KRIT1: variants seen among roughly 807,000 people sequenced by gnomAD.
KRIT1 encodes the protein krev interaction trapped protein 1.
Under a neutral mutation model 95.8 loss-of-function variants are expected in KRIT1, and 45 were observed. The observed-to-expected ratio is 0.47, with a 90% CI of 0.37 to 0.60. KRIT1 has a LOEUF of 0.60. Among genes scored for constraint, KRIT1 ranks in the 20% least tolerant of loss-of-function variants. The pLI, the probability that KRIT1 is intolerant of heterozygous loss-of-function variation, is 0.00. For synonymous variants in KRIT1, 282 were observed against 278.8 expected, an observed-to-expected ratio of 1.01 and a Z score of -0.11; for missense variants, 788 against 877.5, an observed-to-expected ratio of 0.90 and a Z score of 1.29.
chr7:92,218,120 T>C (rs2131375379), intron 14 of KRIT1, among the ~76,000 whole-genome samples: 1 of 152,236 alleles, frequency 6.6e-6, no homozygotes, highest in South Asian at 2.1e-4. Flanking sequence ...TGGATGATCA[T>C]AACTAACTGT....
At chr7:92,208,670 G>C (rs1021430415) in intron 17 of KRIT1, among the ~76,000 whole-genome samples, 1 of 152,012 alleles carries the variant, frequency 6.6e-6, no homozygotes, top group South Asian at 2.1e-4. Flanking sequence ...GGAAGGAAAA[G>C]AAAACCTCAA....
At chr7:92,218,027 T>C (rs1228215708) in intron 14 of KRIT1, among the ~76,000 whole-genome samples, 2 of 152,206 alleles carry the variant, frequency 1.3e-5, no homozygotes, top group Non-Finnish European at 2.9e-5. Flanking sequence ...TTCATGTGTT[T>C]GCTGGCTATT....
chr7:92,228,703 G>C (rs898921787), intron 10 of KRIT1, among the ~76,000 whole-genome samples: 2 of 152,042 alleles, frequency 1.3e-5, no homozygotes, highest in African/African-American at 2.4e-5. Flanking sequence ...ACTAAGCCTA[G>C]TACCCAATAA....
At chr7:92,217,174 G>A (rs1001043901) in intron 14 of KRIT1, among the ~76,000 whole-genome samples, 11 of 152,086 alleles carry the variant, frequency 7.2e-5, no homozygotes, top group Non-Finnish European at 1.5e-4. Flanking sequence ...CTCTACCAGT[G>A]AACTATTACA....
intron 17 of KRIT1, among the ~76,000 whole-genome samples, 177 bp downstream of exon 17, chr7:92,213,018 G>C (rs1033538019): frequency 6.6e-6 from 1 of 152,114 alleles, no homozygotes; most frequent in African/African-American, 2.4e-5. Flanking sequence ...ATGCAGAAAT[G>C]TAATATAATA....
chr7:92,220,555 A>G (rs1159117292), intron 14 of KRIT1, among the ~76,000 whole-genome samples: 2 of 152,176 alleles, frequency 1.3e-5, no homozygotes, highest in Non-Finnish European at 2.9e-5. Flanking sequence ...ATATTCCCTG[A>G]GAATAAAGAA....
chr7:92,231,874 A>T (rs1274901579), intron 10 of KRIT1, among the ~76,000 whole-genome samples: 1 of 152,228 alleles, frequency 6.6e-6, no homozygotes, highest in Non-Finnish European at 1.5e-5. Context: ...TGAAAATATT[A>T]CAGATTAATA....
chr7:92,215,242 A>C (rs916007694), intron 14 of KRIT1, among the ~76,000 whole-genome samples: 2 of 152,168 alleles, frequency 1.3e-5, no homozygotes, highest in African/African-American at 4.8e-5. Context: ...TCAGTTTATA[A>C]ATATGGATAA....
chr7:92,234,799 A>G lies in KRIT1; in HGVS notation c.845+9T>C. ...ATAAAAGCAATGTGGAGTAAAACCG[A>G]AACAGTACTTGTCTTCTGTGACACT... On this transcript the variant is annotated intron_variant, in intron 9 of 18. Coordinates refer to ENST00000394505, the MANE Select transcript of KRIT1 (RefSeq NM_194454.3). 1 of 1,500,070 alleles carries G rather than the reference A, an allele frequency of 6.7e-7. No individual in the cohort carries two copies. The allele number at this position is 1,500,070 out of a possible 1,614,324, so 92.9% of individuals were successfully genotyped here.
At chr7:92,221,415 C>T (rs1476756124) in intron 14 of KRIT1, among the ~76,000 whole-genome samples, 2 of 151,750 alleles carry the variant, frequency 1.3e-5, no homozygotes, top group Non-Finnish European at 2.9e-5. Context: ...GCCTGGGACA[C>T]AGAGCAAGAC....
chr7:92,208,218 G>A (rs1220448416), intron 17 of KRIT1, among the ~76,000 whole-genome samples: 1 of 151,892 alleles, frequency 6.6e-6, no homozygotes, highest in Non-Finnish European at 1.5e-5. Flanking sequence ...AGTGTAAGAG[G>A]AAAGTTTACT....
At chr7:92,201,752 G>A (rs1790209490) in intron 17 of KRIT1, among the ~76,000 whole-genome samples, 2 of 150,176 alleles carry the variant, frequency 1.3e-5, no homozygotes, top group South Asian at 4.2e-4. Flanking sequence ...ATTCCTCATT[G>A]TTCAACTCCC....
chr7:92,210,463 G>C (rs1213073234), intron 17 of KRIT1, among the ~76,000 whole-genome samples: 1 of 152,162 alleles, frequency 6.6e-6, no homozygotes, highest in African/African-American at 2.4e-5. Flanking sequence ...AATGGTGTTG[G>C]AAAAATTGGA....
At chr7:92,203,674 T>C (rs1241263191) in intron 17 of KRIT1, among the ~76,000 whole-genome samples, 2 of 152,208 alleles carry the variant, frequency 1.3e-5, no homozygotes, top group Non-Finnish European at 2.9e-5. Context: ...GAATACTATA[T>C]AAAACTTTGT....
chr7:92,226,828 A>C, intron 10 of KRIT1, 146 bp from the exon 11 acceptor site: 1 of 699,374 alleles, frequency 1.4e-6, no homozygotes, highest in Non-Finnish European at 2.4e-6. Flanking sequence ...AAGGATTATT[A>C]AGATACTGAC....
chr7:92,219,603 A>G (rs1285000709), intron 14 of KRIT1, among the ~76,000 whole-genome samples: 1 of 152,144 alleles, frequency 6.6e-6, no homozygotes, highest in Non-Finnish European at 1.5e-5. Flanking sequence ...TCTTCTTAAG[A>G]TTGCTTTGGC....
intron 1 of KRIT1, 141 bp downstream of exon 1, chr7:92,245,649 C>G (rs1800807767): frequency 1.3e-5 from 2 of 152,584 alleles, no homozygotes; most frequent in Non-Finnish European, 2.9e-5. Context: ...CTTCCCTCCT[C>G]CCAGGCACAG....
In KRIT1 at chr7:92,236,054, G is replaced by A. The variant is rs1382443744; in HGVS notation, c.485+359C>T. On this transcript the variant is annotated intron_variant, in intron 7 of 18. Coordinates refer to ENST00000394505, the MANE Select transcript of KRIT1 (RefSeq NM_194454.3). ...CTGTTAAAATTCAAACTACTGAGATGTAGGTGACATTAGCCCTGTTCTTAC... is the reference window on the plus strand; with the variant it reads ...CTGTTAAAATTCAAACTACTGAGATATAGGTGACATTAGCCCTGTTCTTAC... The A allele has an allele frequency of 1.3e-4, 33 of 251,040 alleles. 1 individual carries two copies. The Admixed American group carries it at 1.7e-3, about 13-fold the overall frequency. The allele number at this position is 251,040 out of a possible 1,614,324, so 15.6% of individuals were successfully genotyped here.
intron 18 of KRIT1, among the ~76,000 whole-genome samples, chr7:92,201,049 G>C (rs1311863383): frequency 2.6e-5 from 4 of 152,170 alleles, no homozygotes; most frequent in Non-Finnish European, 4.4e-5. Flanking sequence ...CTAATAACTT[G>C]ATAGATGAGA....
Sources: gnomAD v4.1 joint callset for allele counts (sites outside exome capture counted in the v4.1 genomes callset) on GRCh38, gnomAD v4.1.1 for gene constraint, MANE v1.5 for transcripts, NCBI Gene and HGNC (gene_info 2026-07-23, HGNC 2026-07-21) for gene names.